C19orf44: variants seen among roughly 807,000 people sequenced by gnomAD.
The protein encoded by C19orf44 is uncharacterized protein C19orf44.
A neutral mutation model predicts 50.7 loss-of-function variants in C19orf44; 43 were observed. The observed-to-expected ratio is 0.85, with a 90% CI of 0.66 to 1.09. The LOEUF (loss-of-function observed/expected upper bound fraction) is 1.09, where lower values mean the gene tolerates loss of function less well. Ranked by LOEUF, C19orf44 falls within the 50% of genes least tolerant of loss-of-function variation. The probability of loss-of-function intolerance (pLI) is 0.00; values close to 1 mark genes in which losing one functional copy is unlikely to be tolerated. For missense variants in C19orf44, 722 were observed against 836.2 expected, an observed-to-expected ratio of 0.86 and a Z score of 1.68; for synonymous variants, 298 against 334.7, an observed-to-expected ratio of 0.89 and a Z score of 1.20.
Position 16,519,569 on chromosome 19 carries a change from G to T in C19orf44, c.*41-525G>T. On this transcript the variant is annotated intron_variant, in intron 8 of 8. Transcript: ENST00000221671. This position sits in a 1 kb window ranked among gnomAD's most constrained non-coding sequence, Gnocchi z 6.0. ...AAGAGAAAGCGCTGGTGACTCCCGG[G>T]CCCAGCACGCGTGAGGACCCATCCC... 1 of 1,501,638 alleles carries T rather than the reference G, an allele frequency of 6.7e-7. No individual in the cohort carries two copies. The highest frequency in any genetic ancestry group is 9.3e-7 in the Non-Finnish European group (1 of 1,078,764). The allele number at this position is 1,501,638 out of a possible 1,614,324, so 93.0% of individuals were successfully genotyped here.
At chr19:16,498,424 C>T (rs1779801429) in intron 1 of C19orf44, among the ~76,000 whole-genome samples, 1 of 152,104 alleles carries the variant, frequency 6.6e-6, no homozygotes, top group African/African-American at 2.4e-5. Context: ...ACTGGGACTA[C>T]AGGTGTGTGC....
rs1052050845 is a variant in C19orf44, at chr19:16,496,636, T to C, written c.-2+171T>C. The C allele has an allele frequency of 2.3e-5, 4 of 170,610 alleles. No homozygotes were observed. In the South Asian group the frequency reaches 4.5e-4, roughly 19 times the overall value. The allele number at this position is 170,610 out of a possible 1,614,324, so 10.6% of individuals were successfully genotyped here. ...GGAGCATGGTCCTGCGCGGGTCGCT[T>C]CATAGCTGGGGAGAAGAGCAGGATG... On this transcript the variant is annotated intron_variant, in intron 1 of 8. Coordinates refer to ENST00000221671, the MANE Select transcript of C19orf44 (RefSeq NM_032207.4).
Position 16,501,483 on chromosome 19 carries a change from G to GA in C19orf44, c.698dup (p.Asn233LysfsTer10), listed in dbSNP as rs751027426. On this transcript the variant is annotated frameshift_variant, in exon 2 of 9. Coordinates refer to ENST00000221671, the MANE Select transcript of C19orf44 (RefSeq NM_032207.4). LOFTEE classifies it high-confidence loss of function. ...AGGAAGCTTGATGGACTCTTCTAGAGAAAAAAACACGAATCAAGGCTTCAG... is the reference window on the plus strand; with the variant it reads ...AGGAAGCTTGATGGACTCTTCTAGAGAAAAAAAACACGAATCAAGGCTTCAG... 10 of 1,600,468 alleles carry GA rather than the reference G, an allele frequency of 6.2e-6. No individual in the cohort carries two copies. The highest frequency in any genetic ancestry group is 8.5e-6 in the Non-Finnish European group (10 of 1,175,050).
At chr19:16,503,478 C>G in intron 3 of C19orf44, 98 bp downstream of exon 3, 1 of 1,306,396 alleles carries the variant, frequency 7.7e-7, no homozygotes, top group Non-Finnish European at 1.0e-6. Context: ...TTGCCACAGG[C>G]AGGGAGTTTT....
At chr19:16,507,555 G>A (rs1484635377) in intron 4 of C19orf44, among the ~76,000 whole-genome samples, 5 of 145,648 alleles carry the variant, frequency 3.4e-5, no homozygotes, top group South Asian at 2.1e-4. Context: ...GCAATGGCTC[G>A]ATCTCGGCTC....
In C19orf44 at chr19:16,520,029, C is replaced by T; in HGVS notation, c.*41-65C>T. 1 of 1,059,938 alleles carries T rather than the reference C, an allele frequency of 9.4e-7. No individual in the cohort carries two copies. Among genetic ancestry groups the T allele is most frequent in the Non-Finnish European group, 1.4e-6 (1 of 709,390 alleles). 65.7% of individuals were successfully genotyped at this position (1,059,938 alleles called of 1,614,324 possible). The stretch of plus-strand genomic sequence containing the variant: ...GGTGAAGGGTGAGGGGTGCCACTGT[C>T]CCCGGGCTAATGCTGGCGGCCTCCT... On this transcript the variant is annotated intron_variant, in intron 8 of 8. Transcript: ENST00000221671. The surrounding 1 kb of genome is among the most constrained non-coding windows in gnomAD (Gnocchi z 4.0).
chr19:16,517,424 G>C lies in C19orf44; in HGVS notation c.*40+83G>C, dbSNP rs1156808020. The C allele has an allele frequency of 3.1e-6, 3 of 965,094 alleles. No individual in the cohort carries two copies. The African/African-American group carries it at 4.8e-5, about 16-fold the overall frequency. 59.8% of individuals were successfully genotyped at this position (965,094 alleles called of 1,614,324 possible). The stretch of plus-strand genomic sequence containing the variant: ...TGTCCAAGTGTGACGTTCCGTGGTG[G>C]GGGCAGGTGGTACTGGGGTGATGGA... On this transcript the variant is annotated intron_variant, in intron 8 of 8. Coordinates refer to ENST00000221671, the MANE Select transcript of C19orf44 (RefSeq NM_032207.4).
chr19:16,520,326 G>A lies in C19orf44; in HGVS notation c.*273G>A, dbSNP rs753599451. The A allele has an allele frequency of 9.9e-6, 16 of 1,611,476 alleles. No homozygotes were observed. Among genetic ancestry groups the A allele is most frequent in the Non-Finnish European group, 1.4e-5 (16 of 1,178,350 alleles). On this transcript the variant is annotated 3_prime_UTR_variant, in exon 9 of 9. Coordinates refer to ENST00000221671, the MANE Select transcript of C19orf44 (RefSeq NM_032207.4). The surrounding 1 kb of genome is among the most constrained non-coding windows in gnomAD (Gnocchi z 4.0). ...AGGCGTCGTGGGGAGGCCACAGGAA[G>A]AGGCCTCAGGCACTGCCCTGAGGCA...
rs781442650 is a variant in C19orf44 at position 16,503,237 on chromosome 19, C to A, written c.932C>A (p.Thr311Lys). The A allele has an allele frequency of 6.2e-7, 1 of 1,614,046 alleles. No individual in the cohort carries two copies. The highest frequency in any genetic ancestry group is 1.3e-5 in the African/African-American group (1 of 74,916). ...GTTTCCAGTGACACCGCCTCCCACA[C>A]GCCGTCAGTTTCCATCACAGGCGCC... is the stretch of plus-strand genomic sequence containing the variant. The part of the protein sequence containing the change: ...SHVSSDTASH[T>K]PSVSITGAFS... The change falls in exon 3 of 9, where the codon ACG becomes AAG. Residue 311 changes from threonine (T) to lysine (K), a missense_variant. By Grantham distance (78) the Thr-to-Lys change is moderately conservative. Coordinates refer to ENST00000221671, the MANE Select transcript of C19orf44 (RefSeq NM_032207.4).
chr19:16,520,335 G>A lies in C19orf44; in HGVS notation c.*282G>A. ...GGGGAGGCCACAGGAAGAGGCCTCA[G>A]GCACTGCCCTGAGGCAGCCTCTGCC... On this transcript the variant is annotated 3_prime_UTR_variant, in exon 9 of 9. Coordinates refer to ENST00000221671, the MANE Select transcript of C19orf44 (RefSeq NM_032207.4). The surrounding 1 kb of genome is among the most constrained non-coding windows in gnomAD (Gnocchi z 4.0). 1 of 1,611,834 alleles carries A rather than the reference G, an allele frequency of 6.2e-7. No individual in the cohort carries two copies. Among genetic ancestry groups the A allele is most frequent in the Non-Finnish European group, 8.5e-7 (1 of 1,178,486 alleles).
In C19orf44 at chr19:16,502,236, CT is replaced by C. The variant is rs56319712; in HGVS notation, c.759+705del. 8.3e-3 allele frequency among the ~76,000 whole-genome samples: 880 copies of C among 106,630 alleles called. 9 individuals carry two copies. Among genetic ancestry groups the C allele is most frequent in the African/African-American group, 0.03 (700 of 23,104 alleles). The allele number at this position is 106,630 out of a possible 152,430, so 70.0% of individuals were successfully genotyped here. On this transcript the variant is annotated intron_variant, in intron 2 of 8. Coordinates refer to ENST00000221671, the MANE Select transcript of C19orf44 (RefSeq NM_032207.4). ...ATTTGTGGAATATTTTCTTTCTTTC[CT>C]TTTTTTTTTTTTTTTTTTTGAGATG...
intron 7 of C19orf44, 62 bp from the exon 8 acceptor site, chr19:16,517,168 C>T: frequency 6.7e-7 from 1 of 1,498,972 alleles, no homozygotes; most frequent in Admixed American, 1.7e-5. Flanking sequence ...TCCTCCAGCA[C>T]CCTGTCTCAG....
In C19orf44 at chr19:16,519,412, G is replaced by C. The variant is rs367999320; in HGVS notation, c.*41-682G>C. On this transcript the variant is annotated intron_variant, in intron 8 of 8. Coordinates refer to ENST00000221671, the MANE Select transcript of C19orf44 (RefSeq NM_032207.4). This position sits in a 1 kb window ranked among gnomAD's most constrained non-coding sequence, Gnocchi z 6.0. ...GCGGAGGCAGATGGGGGTGCACGTG[G>C]GGGGCTGAATGTCCAGACAGGCAGT... 3.3e-6 allele frequency: 5 copies of C among 1,534,720 alleles called. No individual in the cohort carries two copies. Among genetic ancestry groups the C allele is most frequent in the African/African-American group, 2.7e-5 (2 of 73,010 alleles).
intron 3 of C19orf44, among the ~76,000 whole-genome samples, chr19:16,504,789 C>T (rs1004197010): frequency 4.0e-5 from 6 of 149,298 alleles, no homozygotes; most frequent in Non-Finnish European, 5.9e-5. Context: ...TTAGTGGAGA[C>T]GGGACGGGGT....
At chr19:16,502,457 C>T (rs928561577) in intron 2 of C19orf44, among the ~76,000 whole-genome samples, 5 of 151,414 alleles carry the variant, frequency 3.3e-5, no homozygotes, top group African/African-American at 9.7e-5. Flanking sequence ...GTGATGGTCT[C>T]GATCGCTTGA....
intron 3 of C19orf44, among the ~76,000 whole-genome samples, chr19:16,504,661 G>A (rs926000482): frequency 6.6e-6 from 1 of 151,778 alleles, no homozygotes; most frequent in Admixed American, 6.6e-5. Flanking sequence ...GTGCAGTGGC[G>A]TGATCTCAGC....
intron 4 of C19orf44, among the ~76,000 whole-genome samples, 185 bp downstream of exon 4, chr19:16,506,959 G>A (rs1203840907): frequency 6.6e-6 from 1 of 151,994 alleles, no homozygotes; most frequent in African/African-American, 2.4e-5. Context: ...AGGTGTGAGC[G>A]ACCATGCCTG....
Position 16,519,796 on chromosome 19 carries a change from C to A in C19orf44, c.*41-298C>A. ...GACAGTGATGAGGACCTCACAGCCGCAGCTTGCGTGCATGCTCACTGTCAC... is the reference window on the plus strand; with the variant it reads ...GACAGTGATGAGGACCTCACAGCCGAAGCTTGCGTGCATGCTCACTGTCAC... On this transcript the variant is annotated intron_variant, in intron 8 of 8. Transcript: ENST00000221671. The surrounding 1 kb of genome is among the most constrained non-coding windows in gnomAD (Gnocchi z 6.0). 8.2e-7 allele frequency: 1 copy of A among 1,213,140 alleles called. No homozygotes were observed. Among genetic ancestry groups the A allele is most frequent in the Non-Finnish European group, 1.2e-6 (1 of 816,402 alleles). 75.1% of individuals were successfully genotyped at this position (1,213,140 alleles called of 1,614,324 possible). A position where few individuals can be genotyped will look rare whatever the true frequency, so the allele number is the denominator to read the frequency against.
Position 16,520,515 on chromosome 19 carries a change from G to A in C19orf44, c.*462G>A. 6.2e-7 allele frequency: 1 copy of A among 1,608,870 alleles called. No homozygotes were observed. The highest frequency in any genetic ancestry group is 8.5e-7 in the Non-Finnish European group (1 of 1,177,274). On this transcript the variant is annotated 3_prime_UTR_variant, in exon 9 of 9. Transcript: ENST00000221671. The surrounding 1 kb of genome is among the most constrained non-coding windows in gnomAD (Gnocchi z 4.0). ...CGAGACCTCGAGGGTCCGCTGTGGG[G>A]AGAGGCCTGATGATCAGGTGCCCCA...
Sources: gnomAD v4.1 joint callset for allele counts (sites outside exome capture counted in the v4.1 genomes callset) on GRCh38, gnomAD v4.1.1 for gene constraint, Gnocchi (gnomAD v3.1) non-coding constraint, MANE v1.5 for transcripts, NCBI Gene and HGNC (gene_info 2026-07-23, HGNC 2026-07-21) for gene names.